Variants in MBD6 observed in about 807,000 individuals in gnomAD.
MBD6 encodes methyl-CpG binding domain protein 6.
Under a neutral mutation model 66.8 loss-of-function variants are expected in MBD6, and 22 were observed. The observed-to-expected ratio is 0.33, with a 90% CI of 0.24 to 0.47. The LOEUF is 0.47. Among genes scored for constraint, MBD6 ranks in the 20% least tolerant of loss-of-function variants. The pLI is 1.00. For synonymous variants in MBD6, 540 were observed against 534.6 expected, an observed-to-expected ratio of 1.01 and a Z score of -0.14; for missense variants, 1,322 against 1,286.9, an observed-to-expected ratio of 1.03 and a Z score of -0.42.
At chr12:57,528,910 G>A in intron 11 of MBD6, 36 bp from the exon 12 acceptor site, 1 of 1,613,942 alleles carries the variant, frequency 6.2e-7, no homozygotes, top group South Asian at 1.1e-5. Flanking sequence ...CTGGTGCTTG[G>A]GAGCTGTTCC....
chr12:57,522,450 G>A (rs1878419039), upstream of MBD6, among the ~76,000 whole-genome samples: 1 of 152,098 alleles, frequency 6.6e-6, no homozygotes, highest in African/African-American at 2.4e-5. Flanking sequence ...CCCGGACCTG[G>A]CATTCCTGGT....
At position 57,529,022 on chromosome 12, in the gene MBD6, TTGGGTGGATGGGTGGA is replaced by T; in HGVS notation, c.2937+19_2937+34del. ...CCCTACAGCCCGAGTAAGTGTGTGT[TTGGGTGGATGGGTGGA>T]TGGGTAGGGTGTAAGGGATGAGGCG... On this transcript the variant is annotated intron_variant, in intron 12 of 12. Transcript: ENST00000355673. 2 of 1,613,800 alleles carry T rather than the reference TTGGGTGGATGGGTGGA, an allele frequency of 1.2e-6. No homozygotes were observed. Among genetic ancestry groups the T allele is most frequent in the Non-Finnish European group, 1.7e-6 (2 of 1,179,950 alleles).
At position 57,526,695 on chromosome 12, in the gene MBD6, C is replaced by G; in HGVS notation, c.1550C>G (p.Ala517Gly). The part of the protein sequence containing the change: ...CPLPPLAGGE[A>G]FPFPSPEQGL... ...CTGCCTCCCCTGGCTGGTGGAGAGG[C>G]TTTCCCTTTCCCCAGCCCTGAGCAG... The change falls in exon 7 of 13, where the codon GCT (alanine) becomes GGT (glycine). Residue 517 changes from alanine (A) to glycine (G), a missense_variant. Transcript: ENST00000355673. 6.5e-7 allele frequency: 1 copy of G among 1,535,350 alleles called. No individual in the cohort carries two copies. The highest frequency in any genetic ancestry group is 8.8e-7 in the Non-Finnish European group (1 of 1,141,726).
chr12:57,524,437 C>T (rs1286860840), intron 3 of MBD6, 21 bp downstream of exon 3: 9 of 1,543,092 alleles, frequency 5.8e-6, no homozygotes, highest in Non-Finnish European at 7.9e-6. Flanking sequence ...TCACAGGTCC[C>T]CAAGCTCTGC....
intron 1 of MBD6, chr12:57,523,441 G>A (rs1878582915): frequency 6.6e-6 from 1 of 152,236 alleles, no homozygotes; most frequent in South Asian, 2.1e-4. Flanking sequence ...AGTGGAATAG[G>A]AGGTTCTGAA....
chr12:57,521,206 T>C (rs1438347806), upstream of MBD6: 1 of 152,378 alleles, frequency 6.6e-6, no homozygotes, highest in Non-Finnish European at 1.5e-5. Flanking sequence ...CTTACGCCTG[T>C]AATCCCAGCA....
In MBD6 at chr12:57,525,522, T is replaced by C. The variant is rs968961944; in HGVS notation, c.554T>C (p.Phe185Ser). 4 of 1,574,206 alleles carry C rather than the reference T, an allele frequency of 2.5e-6. No homozygotes were observed. Among genetic ancestry groups the C allele is most frequent in the South Asian group, 1.2e-5 (1 of 84,676 alleles). Reference sequence around the variant, plus strand: ...ACTCTAGCAGGCCCTGGGGGGCTTTTCCCCCCAAGGCTTGCTGACCCAGTC... The same window carrying C: ...ACTCTAGCAGGCCCTGGGGGGCTTTCCCCCCCAAGGCTTGCTGACCCAGTC... ...FPTLAGPGGL[F>S]PPRLADPVPS... Residue 185 changes from phenylalanine (F) to serine (S), a missense_variant, in exon 6 of 13, where the codon TTC becomes TCC. Coordinates refer to ENST00000355673, the MANE Select transcript of MBD6 (RefSeq NM_052897.4).
rs1372847122 is a variant in MBD6 at position 57,529,470 on chromosome 12, T to G, written c.*236T>G. ...CCGAAGCCATGTCACTGAAAAGGCCTGGGGGGGATGGTATATGGCCCTTTC... is the reference window on the plus strand; with the variant it reads ...CCGAAGCCATGTCACTGAAAAGGCCGGGGGGGGATGGTATATGGCCCTTTC... On this transcript the variant is annotated 3_prime_UTR_variant, in exon 13 of 13. Coordinates refer to ENST00000355673, the MANE Select transcript of MBD6 (RefSeq NM_052897.4). The G allele has an allele frequency of 1.9e-5, 9 of 481,146 alleles. No individual in the cohort carries two copies. Among genetic ancestry groups the G allele is most frequent in the Non-Finnish European group, 2.9e-5 (8 of 278,460 alleles). 29.8% of individuals were successfully genotyped at this position (481,146 alleles called of 1,614,324 possible).
At chr12:57,528,902 G>C in intron 11 of MBD6, 44 bp from the exon 12 acceptor site, 1 of 1,613,790 alleles carries the variant, frequency 6.2e-7, no homozygotes, top group South Asian at 1.1e-5. Flanking sequence ...AAATTCACCT[G>C]GTGCTTGGGA....
In MBD6 at chr12:57,526,088, C is replaced by A. The variant is rs768180785; in HGVS notation, c.1120C>A (p.Arg374=). 2.5e-6 allele frequency: 4 copies of A among 1,613,852 alleles called. No homozygotes were observed. The highest frequency in any genetic ancestry group is 3.4e-6 in the Non-Finnish European group (4 of 1,179,960). ...RRPRRPPTVF[R]LLEGRGPQTP... ...TCCCCGCAGACCCCCTACTGTATTT[C>A]GATTGCTAGAAGGGAGAGGCCCTCA... Residue 374 remains arginine (R), a synonymous_variant, in exon 6 of 13, where the codon CGA becomes AGA. Coordinates refer to ENST00000355673, the MANE Select transcript of MBD6 (RefSeq NM_052897.4).
chr12:57,525,470 C>T lies in MBD6; in HGVS notation c.502C>T (p.Pro168Ser), dbSNP rs1425378117. ...NGGPGSLPPE[P>S]PSVSQAFPTL... ...GGGTCCTGGCTCCCTTCCCCCAGAA[C>T]CACCCTCAGTTTCCCAGGCCTTTCC... Residue 168 changes from proline (P) to serine (S), a missense_variant, in exon 6 of 13, where the codon CCA becomes TCA. By Grantham distance (74) the Pro-to-Ser change is moderately conservative. Coordinates refer to ENST00000355673, the MANE Select transcript of MBD6 (RefSeq NM_052897.4). 5 of 1,539,046 alleles carry T rather than the reference C, an allele frequency of 3.2e-6. No individual in the cohort carries two copies.
At position 57,528,308 on chromosome 12, in the gene MBD6, A is replaced by G. The variant is rs1371500418; in HGVS notation, c.2568A>G (p.Lys856=). The part of the protein sequence containing the change: ...PELLTGRGSG[K]RGRRGGGGLR... Reference sequence around the variant, plus strand: ...TGCTCACTGGGAGGGGGTCAGGGAAACGGGGCCGGAGGGGAGGAGGGGGAC... The same window carrying G: ...TGCTCACTGGGAGGGGGTCAGGGAAGCGGGGCCGGAGGGGAGGAGGGGGAC... Residue 856 remains lysine, a synonymous_variant, in exon 10 of 13, where the codon AAA becomes AAG. Transcript: ENST00000355673. The G allele has an allele frequency of 6.2e-7, 1 of 1,606,442 alleles. No homozygotes were observed. The highest frequency in any genetic ancestry group is 1.3e-5 in the African/African-American group (1 of 74,902).
downstream of MBD6, chr12:57,530,899 G>A (rs1175158781): frequency 1.2e-6 from 1 of 850,982 alleles, no homozygotes; most frequent in Admixed American, 2.1e-5. Flanking sequence ...CCACAGAGGG[G>A]GGATGTTTAT....
chr12:57,528,042 C>T (rs1400324750), intron 9 of MBD6, 25 bp downstream of exon 9: 2 of 1,529,342 alleles, frequency 1.3e-6, no homozygotes, highest in African/African-American at 1.4e-5. Context: ...ATATATTTGT[C>T]AGGGAGATAA....
intron 12 of MBD6, 25 bp downstream of exon 12, chr12:57,529,034 G>GTGGA (rs746212565): frequency 6.2e-7 from 1 of 1,614,060 alleles, no homozygotes; most frequent in Non-Finnish European, 8.5e-7. Context: ...GGGTGGATGG[G>GTGGA]TGGATGGGTA....
chr12:57,523,975 C>T (rs948590701), intron 1 of MBD6, 54 bp from the exon 2 acceptor site: 7 of 203,152 alleles, frequency 3.4e-5, no homozygotes, highest in Non-Finnish European at 7.0e-5. Context: ...GGCTGTGCTG[C>T]TCTTTAGAGT....
At position 57,529,575 on chromosome 12, in the gene MBD6, A is replaced by G. The variant is rs1879426119; in HGVS notation, c.*341A>G. 4.4e-6 allele frequency: 1 copy of G among 228,568 alleles called. No individual in the cohort carries two copies. Among genetic ancestry groups the G allele is most frequent in the Admixed American group, 5.0e-5 (1 of 20,050 alleles). The allele number at this position is 228,568 out of a possible 1,614,324, so 14.2% of individuals were successfully genotyped here. A position where few individuals can be genotyped will look rare whatever the true frequency, so the allele number is the denominator to read the frequency against. ...TTATTTTTGCACAAATGACTCTTTTATATTTAATTCGATTTCATTGCCTCC... is the reference window on the plus strand; with the variant it reads ...TTATTTTTGCACAAATGACTCTTTTGTATTTAATTCGATTTCATTGCCTCC... On this transcript the variant is annotated 3_prime_UTR_variant, in exon 13 of 13. Transcript: ENST00000355673.
intron 1 of MBD6, 139 bp downstream of exon 1, chr12:57,523,150 T>A (rs1878542925): frequency 7.5e-6 from 1 of 132,764 alleles, no homozygotes; most frequent in African/African-American, 2.8e-5. Flanking sequence ...CGCTTCTCCC[T>A]CTCACTGCCA....
Position 57,525,652 on chromosome 12 carries a change from C to T in MBD6, c.684C>T (p.Asn228=), listed in dbSNP as rs1372596159. ...TCAGCCTCAATGCTCCCTCATACAA[C>T]TGGGGAGCTGCCCTCAGATCCAGCC... ...PAISLNAPSY[N]WGAALRSSLV... The change falls in exon 6 of 13, where the codon AAC becomes AAT. Residue 228 remains asparagine, a synonymous_variant. Transcript: ENST00000355673. The T allele has an allele frequency of 1.2e-6, 2 of 1,613,842 alleles. No individual in the cohort carries two copies. Among genetic ancestry groups the T allele is most frequent in the African/African-American group, 2.7e-5 (2 of 74,854 alleles).
Sources: allele counts gnomAD v4.1 joint callset (sites outside exome capture counted in the v4.1 genomes callset), GRCh38; gene constraint gnomAD v4.1.1; transcripts MANE v1.5; gene names NCBI Gene and HGNC (gene_info 2026-07-23, HGNC 2026-07-21).